Variants in GPI observed in about 807,000 individuals in gnomAD.
GPI encodes D-hexose-6-phosphate anomerase.
A neutral mutation model predicts 75.8 loss-of-function variants in GPI; 56 were observed. The ratio of observed to expected loss-of-function variants is 0.74; its 90% CI spans 0.60 to 0.92. The LOEUF is 0.92. Among genes scored for constraint, GPI ranks in the 40% least tolerant of loss-of-function variants. GPI has a pLI of 0.00. For missense variants in GPI, 638 were observed against 741.0 expected (o/e 0.86, Z 1.61); for synonymous variants, 288 against 285.4 (o/e 1.01, Z -0.09).
Position 34,399,244 on chromosome 19 carries a change from T to C in GPI, c.1307T>C (p.Leu436Pro). The change falls in exon 15 of 18, where the codon CTG (leucine) becomes CCG (proline). Residue 436 changes from leucine to proline, a missense_variant. By Grantham distance (98) the Leu-to-Pro change is moderately conservative (BLOSUM62 -3). Coordinates refer to ENST00000356487, the MANE Select transcript of GPI (RefSeq NM_000175.5). ...LANFLAQTEA[L>P]MRGKSTEEAR... is the part of the protein sequence containing the mutation. ...AACTTCTTGGCCCAGACAGAGGCCC[T>C]GATGAGGGGAAAATCGACGGAGGAG... 6.2e-7 allele frequency: 1 copy of C among 1,613,786 alleles called. No homozygotes were observed. Among genetic ancestry groups the C allele is most frequent in the African/African-American group, 1.3e-5 (1 of 75,048 alleles).
chr19:34,381,425 T>A (rs1367039764), intron 8 of GPI, 41 bp from the exon 9 acceptor site: 1 of 1,382,808 alleles, frequency 7.2e-7, no homozygotes, highest in East Asian at 2.3e-5. Flanking sequence ...CGCTAGCAAA[T>A]GCTTCTTTGC....
At chr19:34,371,911 T>G (rs564889948) in intron 4 of GPI, among the ~76,000 whole-genome samples, 1 of 151,510 alleles carries the variant, frequency 6.6e-6, no homozygotes, top group South Asian at 2.1e-4. Context: ...ATAACAAACC[T>G]TTGACAGTCG....
chr19:34,387,882 G>T (rs1254628215), intron 9 of GPI, among the ~76,000 whole-genome samples: 1 of 152,182 alleles, frequency 6.6e-6, no homozygotes, highest in African/African-American at 2.4e-5. Flanking sequence ...GCCTGGGGAA[G>T]GTGGGTCAGA....
upstream of GPI, among the ~76,000 whole-genome samples, chr19:34,361,649 TTA>T (rs1211579279): frequency 6.6e-5 from 10 of 152,178 alleles, no homozygotes; most frequent in African/African-American, 2.4e-4. Context: ...CCACTGTGAT[TTA>T]TGGCCCACCA....
At chr19:34,363,861 A>G (rs1251664948), upstream of GPI, among the ~76,000 whole-genome samples, 1 of 152,118 alleles carries the variant, frequency 6.6e-6, no homozygotes, top group Admixed American at 6.6e-5. Flanking sequence ...TAGAACAGAT[A>G]CTGTTCAGCA....
At chr19:34,397,004 T>G (rs890870938) in intron 14 of GPI, among the ~76,000 whole-genome samples, 2 of 152,134 alleles carry the variant, frequency 1.3e-5, no homozygotes, top group African/African-American at 2.4e-5. Flanking sequence ...AAAGGGGGGG[T>G]TTCACTATGT....
In GPI at chr19:34,367,767, G is replaced by A. The variant is rs578116660; in HGVS notation, c.283-816G>A. On this transcript the variant is annotated intron_variant, in intron 3 of 17. Coordinates refer to ENST00000356487, the MANE Select transcript of GPI (RefSeq NM_000175.5). ...TGGTTCCTGGCAGTTGGTAGTTATC[G>A]GGCTGCTTGGTGAGGGAAGCTTGAG... is the stretch of plus-strand genomic sequence containing the variant. Among the ~76,000 whole-genome samples the A allele has an allele frequency of 2.1e-4, 32 of 152,282 alleles. No individual in the cohort carries two copies. The South Asian group carries it at 6.2e-3, about 30-fold the overall frequency.
At position 34,377,537 on chromosome 19, in the gene GPI, G is replaced by T. The variant is rs746510529; in HGVS notation, c.437G>T (p.Gly146Val). ...AGCGGTGACTGGAAGGGGTACACAG[G>T]CAAGACCATCACGGACGTCATCAAC... ...VRSGDWKGYT[G>V]KTITDVINIG... Residue 146 changes from glycine to valine, a missense_variant, in exon 5 of 18, where the codon GGC (glycine) becomes GTC (valine). Coordinates refer to ENST00000356487, the MANE Select transcript of GPI (RefSeq NM_000175.5). The T allele has an allele frequency of 2.5e-6, 4 of 1,613,168 alleles. No homozygotes were observed. In the South Asian group the frequency reaches 4.4e-5, roughly 18 times the overall value.
At chr19:34,382,747 G>A (rs8191395) in intron 9 of GPI, among the ~76,000 whole-genome samples, 1,860 of 152,194 alleles carry the variant, frequency 0.012, 23 homozygotes, top group African/African-American at 0.042. Flanking sequence ...AGATGAGTTA[G>A]GGTGTGGCTT....
Position 34,365,257 on chromosome 19 carries a change from T to C in GPI, c.-10T>C. ...CTCGCGTCTCACTCAGTGTACCTTC[T>C]AGTCCCGCCATGGCCGCTCTCACCC... On this transcript the variant is annotated 5_prime_UTR_variant, in exon 1 of 18. Transcript: ENST00000356487. 1.3e-6 allele frequency: 2 copies of C among 1,564,662 alleles called. No homozygotes were observed. The highest frequency in any genetic ancestry group is 1.7e-6 in the Non-Finnish European group (2 of 1,159,004).
Position 34,400,472 on chromosome 19 carries a change from C to T in GPI, c.*436C>T. ...AGCGGGTCTAGAGTGGAGCAAGGTGCCCTGAGAAGACAATAGTGGGGTGGG... is the reference window on the plus strand; with the variant it reads ...AGCGGGTCTAGAGTGGAGCAAGGTGTCCTGAGAAGACAATAGTGGGGTGGG... On this transcript the variant is annotated 3_prime_UTR_variant, in exon 18 of 18. Coordinates refer to ENST00000356487, the MANE Select transcript of GPI (RefSeq NM_000175.5). 1 of 538,168 alleles carries T rather than the reference C, an allele frequency of 1.9e-6. No homozygotes were observed. The allele number at this position is 538,168 out of a possible 1,614,324, so 33.3% of individuals were successfully genotyped here.
intron 9 of GPI, among the ~76,000 whole-genome samples, chr19:34,392,037 G>A (rs1240372740): frequency 3.0e-5 from 4 of 135,222 alleles, no homozygotes; most frequent in African/African-American, 5.4e-5. Flanking sequence ...TTCAATGTCT[G>A]AGAAGGTAGG....
chr19:34,384,832 C>G (rs114895195), intron 9 of GPI, among the ~76,000 whole-genome samples: 252 of 152,236 alleles, frequency 1.7e-3, no homozygotes, highest in African/African-American at 5.9e-3. Flanking sequence ...CAGTTGAAGT[C>G]AAGAGCTCGA....
chr19:34,394,390 G>A (rs2074914725), intron 12 of GPI, among the ~76,000 whole-genome samples: 1 of 90,582 alleles, frequency 1.1e-5, no homozygotes, highest in Admixed American at 1.3e-4. Flanking sequence ...GCCTACCATA[G>A]TGTCTGAGGA....
At chr19:34,370,270 A>C (rs2074431390) in intron 4 of GPI, among the ~76,000 whole-genome samples, 1 of 152,198 alleles carries the variant, frequency 6.6e-6, no homozygotes, top group Admixed American at 6.5e-5. Flanking sequence ...CTGGAGAACG[A>C]GGGTGATGCC....
At chr19:34,391,545 T>C (rs2074833849) in intron 9 of GPI, among the ~76,000 whole-genome samples, 1 of 152,348 alleles carries the variant, frequency 6.6e-6, no homozygotes, top group African/African-American at 2.4e-5. Flanking sequence ...TCTGAGGAGG[T>C]AGGATCTGGC....
chr19:34,383,083 T>C (rs998996163), intron 9 of GPI, among the ~76,000 whole-genome samples: 4 of 152,024 alleles, frequency 2.6e-5, no homozygotes, highest in African/African-American at 4.8e-5. Flanking sequence ...GGTAGGGGTA[T>C]GTAGAAGAGG....
At chr19:34,388,575 C>T (rs964528768) in intron 9 of GPI, among the ~76,000 whole-genome samples, 3 of 152,186 alleles carry the variant, frequency 2.0e-5, no homozygotes, top group Non-Finnish European at 4.4e-5. Context: ...GGACATTGAA[C>T]TGACTGAGGA....
intron 4 of GPI, among the ~76,000 whole-genome samples, chr19:34,377,301 C>CAAAAAAAAAAAAAAAAA (rs1169701523): frequency 6.5e-5 from 1 of 15,468 alleles, no homozygotes; most frequent in Non-Finnish European, 9.9e-5. Context: ...GGCTTCATCT[C>CAAAAAAAAAAAAAAAAA]AAAAAAAAAA....
Sources: gnomAD v4.1 joint callset for allele counts (sites outside exome capture counted in the v4.1 genomes callset) on GRCh38, gnomAD v4.1.1 for gene constraint, MANE v1.5 for transcripts, NCBI Gene and HGNC (gene_info 2026-07-23, HGNC 2026-07-21) for gene names.